The following KIF13B variants were observed in gnomAD, a reference collection of about 807,000 sequenced individuals.
KIF13B encodes the protein kinesin family member 13B, also known as kinesin-like protein KIF13B.
A neutral mutation model predicts 222.0 loss-of-function variants in KIF13B; 127 were observed. The observed-to-expected ratio is 0.57, with a 90% CI of 0.50 to 0.66. The LOEUF is 0.66. Among genes scored for constraint, KIF13B ranks in the 30% least tolerant of loss-of-function variants. The probability of loss-of-function intolerance (pLI) is 0.00; values close to 1 mark genes in which losing one functional copy is unlikely to be tolerated. For missense variants in KIF13B, 2,173 were observed against 2,379.0 expected, an observed-to-expected ratio of 0.91 and a Z score of 1.80; for synonymous variants, 976 against 919.0, an observed-to-expected ratio of 1.06 and a Z score of -1.12.
rs917899493 is a variant in KIF13B, at chr8:29,067,597, A to C, written c.*2907T>G. 1 of 152,274 alleles carries C rather than the reference A, an allele frequency of 6.6e-6. No individual in the cohort carries two copies. The highest frequency in any genetic ancestry group is 1.5e-5 in the Non-Finnish European group (1 of 68,092). The allele number at this position is 152,274 out of a possible 1,614,324, so 9.4% of individuals were successfully genotyped here. A position where few individuals can be genotyped will look rare whatever the true frequency, so the allele number is the denominator to read the frequency against. ...GGAAGGCACCACGGACTTTGTGGAG[A>C]GAAAGATGCTTTGGGGGTTCAATGG... On this transcript the variant is annotated 3_prime_UTR_variant, in exon 40 of 40. Coordinates refer to ENST00000524189, the MANE Select transcript of KIF13B (RefSeq NM_015254.4).
chr8:29,225,847 G>C (rs1474139662), intron 2 of KIF13B, among the ~76,000 whole-genome samples: 1 of 152,210 alleles, frequency 6.6e-6, no homozygotes, highest in Non-Finnish European at 1.5e-5. Flanking sequence ...TGGTGACTAA[G>C]CTCACAGTTG....
chr8:29,146,228 G>T, intron 18 of KIF13B, 150 bp downstream of exon 18: 2 of 744,780 alleles, frequency 2.7e-6, no homozygotes, highest in East Asian at 5.1e-5. Flanking sequence ...GAATGGAAAA[G>T]GAAGTCAATT....
At position 29,198,205 on chromosome 8, in the gene KIF13B, A is replaced by G. The variant is rs1586914671; in HGVS notation, c.150-2006T>C. Among the ~76,000 whole-genome samples the G allele has an allele frequency of 3.9e-5, 6 of 152,392 alleles. No individual in the cohort carries two copies. The South Asian group carries it at 1.2e-3, about 32-fold the overall frequency. ...CATAAAAGAAAATAATTTCTCTGGA[A>G]TAAGAGATGTAGAAGAATTTCCTGA... On this transcript the variant is annotated intron_variant, in intron 2 of 39. Coordinates refer to ENST00000524189, the MANE Select transcript of KIF13B (RefSeq NM_015254.4).
In KIF13B at chr8:29,071,446, G is replaced by A. The variant is rs1356554126; in HGVS notation, c.5218+174C>T. Among the ~76,000 whole-genome samples, 1 of 152,128 alleles carries A rather than the reference G, an allele frequency of 6.6e-6. No homozygotes were observed. Among genetic ancestry groups the A allele is most frequent in the Non-Finnish European group, 1.5e-5 (1 of 68,014 alleles). ...TTTTCCATGTCGTCTCCAGGGACTAGCCCTGCCCCCAGCCTCACCCCTGCA... is the reference window on the plus strand; with the variant it reads ...TTTTCCATGTCGTCTCCAGGGACTAACCCTGCCCCCAGCCTCACCCCTGCA... On this transcript the variant is annotated intron_variant, in intron 39 of 39. Coordinates refer to ENST00000524189, the MANE Select transcript of KIF13B (RefSeq NM_015254.4). This position sits in a 1 kb window ranked among gnomAD's most constrained non-coding sequence, Gnocchi z 4.9.
At chr8:29,170,083 A>C (rs374859368) in intron 10 of KIF13B, among the ~76,000 whole-genome samples, 1 of 152,360 alleles carries the variant, frequency 6.6e-6, no homozygotes, top group East Asian at 1.9e-4. Flanking sequence ...GCCATCAGCA[A>C]AAAGGAAATC....
In KIF13B at chr8:29,072,299, G is replaced by T; in HGVS notation, c.4539C>A (p.Gly1513=). ...TRMEEAQPEM[G]PDVLVQTMGA... is the part of the protein sequence containing the mutation. The stretch of plus-strand genomic sequence containing the variant: ...CCATCGTCTGCACCAGCACGTCAGG[G>T]CCCATCTCCGGCTGAGCCTGCAGCA... The change falls in exon 39 of 40, where the codon GGC becomes GGA. Residue 1513 remains glycine, a synonymous_variant. Coordinates refer to ENST00000524189, the MANE Select transcript of KIF13B (RefSeq NM_015254.4). 1.4e-6 allele frequency: 2 copies of T among 1,428,752 alleles called. No homozygotes were observed. 88.5% of individuals were successfully genotyped at this position (1,428,752 alleles called of 1,614,324 possible). A position where few individuals can be genotyped will look rare whatever the true frequency, so the allele number is the denominator to read the frequency against.
intron 14 of KIF13B, among the ~76,000 whole-genome samples, chr8:29,155,466 G>T (rs1376877079): frequency 1.3e-5 from 2 of 152,188 alleles, no homozygotes; most frequent in African/African-American, 4.8e-5. Context: ...TGTGGTGAGT[G>T]AACCAGGAGG....
At chr8:29,114,967 C>G (rs748406171) in intron 31 of KIF13B, among the ~76,000 whole-genome samples, 51 of 152,156 alleles carry the variant, frequency 3.4e-4, no homozygotes, top group Non-Finnish European at 5.1e-4. Context: ...AAAAGGAAGA[C>G]AGAGAGAGTG....
intron 35 of KIF13B, among the ~76,000 whole-genome samples, chr8:29,099,739 C>T (rs1808705536): frequency 6.6e-6 from 1 of 152,142 alleles, no homozygotes; most frequent in South Asian, 2.1e-4. Context: ...ATCATACCCC[C>T]CCACACACAT....
intron 7 of KIF13B, 36 bp from the exon 8 acceptor site, chr8:29,180,274 A>C: frequency 6.2e-7 from 1 of 1,609,984 alleles, no homozygotes. Flanking sequence ...ACGTTTCATT[A>C]CTTGTGTAAT....
intron 4 of KIF13B, among the ~76,000 whole-genome samples, chr8:29,189,143 C>T (rs896010288): frequency 2.0e-5 from 3 of 152,066 alleles, no homozygotes; most frequent in Admixed American, 6.6e-5. Context: ...AAATTCTCCC[C>T]GACAGGCCAA....
Position 29,072,264 on chromosome 8 carries a change from G to A in KIF13B, c.4574C>T (p.Ala1525Val). ...GGCAGGTTTGTCGCAGATCTTCAAG[G>A]CCGGGGCCCCCATCGTCTGCACCAG... ...DVLVQTMGAPALKICDKPAKV... is the reference protein window; with the variant it reads ...DVLVQTMGAPVLKICDKPAKV... Residue 1525 changes from alanine (A) to valine (V), a missense_variant, in exon 39 of 40, where the codon GCC becomes GTC. By Grantham distance (64) the Ala-to-Val change is moderately conservative. This residue lies in a region of KIF13B where 693 missense variants were observed against 656.2 expected (regional missense o/e 1.06). Transcript: ENST00000524189. The A allele has an allele frequency of 6.8e-7, 1 of 1,473,162 alleles. No individual in the cohort carries two copies. The highest frequency in any genetic ancestry group is 9.0e-7 in the Non-Finnish European group (1 of 1,113,386). The allele number at this position is 1,473,162 out of a possible 1,614,324, so 91.3% of individuals were successfully genotyped here. A position where few individuals can be genotyped will look rare whatever the true frequency, so the allele number is the denominator to read the frequency against.
chr8:29,254,326 T>G (rs1200820550), intron 1 of KIF13B, among the ~76,000 whole-genome samples: 2 of 151,352 alleles, frequency 1.3e-5, no homozygotes, highest in Non-Finnish European at 2.9e-5. Context: ...TAAACTGGAC[T>G]TCATCAAAAT....
Position 29,109,639 on chromosome 8 carries a change from C to T in KIF13B, c.4084-128G>A, listed in dbSNP as rs997910079. 6.6e-5 allele frequency: 54 copies of T among 822,558 alleles called. No individual in the cohort carries two copies. In the Middle Eastern group the frequency reaches 6.9e-4, roughly 10 times the overall value. The allele number at this position is 822,558 out of a possible 1,614,324, so 51.0% of individuals were successfully genotyped here. On this transcript the variant is annotated intron_variant, in intron 33 of 39. Transcript: ENST00000524189. ...CCTAGCTATTTAAACAATGCTGTTA[C>T]GTGATTATTACGTACTGCATGCCTG...
intron 2 of KIF13B, among the ~76,000 whole-genome samples, chr8:29,213,721 G>A (rs960307172): frequency 3.3e-5 from 5 of 152,132 alleles, no homozygotes; most frequent in African/African-American, 9.7e-5. Flanking sequence ...GGCTGAGGCG[G>A]GTGGATCACC....
At chr8:29,223,327 G>A (rs1316152277) in intron 2 of KIF13B, among the ~76,000 whole-genome samples, 1 of 86,410 alleles carries the variant, frequency 1.2e-5, no homozygotes, top group Non-Finnish European at 2.5e-5. Flanking sequence ...GAGAGACCCT[G>A]TCTCAAAAAA....
intron 38 of KIF13B, among the ~76,000 whole-genome samples, chr8:29,073,901 TC>T (rs1807431118): frequency 6.6e-6 from 1 of 152,204 alleles, no homozygotes; most frequent in Non-Finnish European, 1.5e-5. Flanking sequence ...ATCCAATAGA[TC>T]AATAACTGTC....
rs201358234 is a variant in KIF13B at position 29,116,913 on chromosome 8, C to T, written c.3755G>A (p.Arg1252His). 210 of 1,613,732 alleles carry T rather than the reference C, an allele frequency of 1.3e-4. No individual in the cohort carries two copies. Among genetic ancestry groups the T allele is most frequent in the East Asian group, 2.5e-4 (11 of 44,876 alleles). Residue 1252 changes from arginine (R) to histidine (H), a missense_variant, in exon 31 of 40, where the codon CGC becomes CAC. Around this residue, in one of 2 missense-constraint regions of KIF13B, gnomAD observed 1,480 missense variants for 1,722.8 expected, o/e 0.86. Coordinates refer to ENST00000524189, the MANE Select transcript of KIF13B (RefSeq NM_015254.4). The stretch of plus-strand genomic sequence containing the variant: ...AGGGTGGCTGAGCTGGACCGTCACG[C>T]GCACGATCAGGAACAACCGCTCGTC... ...PVDERLFLIV[R>H]VTVQLSHPAD...
intron 3 of KIF13B, among the ~76,000 whole-genome samples, chr8:29,193,465 G>A (rs144050222): frequency 6.6e-6 from 1 of 152,152 alleles, no homozygotes. Context: ...GAGCTCAAAC[G>A]AAGTTTCTCC....
Sources: gnomAD v4.1 joint callset for allele counts (sites outside exome capture counted in the v4.1 genomes callset) on GRCh38, gnomAD v4.1.1 for gene constraint, gnomAD v4.1.1 regional missense constraint, Gnocchi (gnomAD v3.1) non-coding constraint, MANE v1.5 for transcripts, NCBI Gene and HGNC (gene_info 2026-07-23, HGNC 2026-07-21) for gene names.